Variants in MROH2A observed in about 807,000 individuals in gnomAD.
MROH2A encodes the protein maestro heat-like repeat-containing protein family member 2A.
In MROH2A, 174 loss-of-function variants were observed where a neutral mutation model predicts 200.4. The ratio of observed to expected loss-of-function variants is 0.87; its 90% CI spans 0.77 to 0.98. MROH2A has a LOEUF of 0.98. Ranked by LOEUF, MROH2A falls within the 50% of genes least tolerant of loss-of-function variation. MROH2A has a pLI of 0.00. For missense variants in MROH2A, 2,045 were observed against 2,139.6 expected, an observed-to-expected ratio of 0.96 and a Z score of 0.87; for synonymous variants, 829 against 840.4, an observed-to-expected ratio of 0.99 and a Z score of 0.23.
chr2:233,789,381 T>A (rs1442347830), intron 3 of MROH2A, 116 bp from the exon 4 acceptor site: 2 of 1,067,856 alleles, frequency 1.9e-6, no homozygotes, highest in African/African-American at 3.3e-5. Context: ...GATCTAAGAT[T>A]TGTGTGTTTG....
intron 39 of MROH2A, 119 bp from the exon 40 acceptor site, chr2:233,832,058 G>C (rs117231532): frequency 1.3e-6 from 1 of 764,404 alleles, no homozygotes; most frequent in South Asian, 1.8e-5. Context: ...GCTGTGTGAC[G>C]CTGGGATGGG....
In MROH2A at chr2:233,814,689, G is replaced by T; in HGVS notation, c.2856+12G>T. 1 of 1,545,356 alleles carries T rather than the reference G, an allele frequency of 6.5e-7. No individual in the cohort carries two copies. The highest frequency in any genetic ancestry group is 8.7e-7 in the Non-Finnish European group (1 of 1,143,090). On this transcript the variant is annotated intron_variant, in intron 26 of 41. Coordinates refer to ENST00000389758, the MANE Select transcript of MROH2A (RefSeq NM_001394639.1). ...AGGAGATGGTGCAGGTGAGTTGCCTGGTGGCGGGCCAGAGCCAGGGATGGC... is the reference window on the plus strand; with the variant it reads ...AGGAGATGGTGCAGGTGAGTTGCCTTGTGGCGGGCCAGAGCCAGGGATGGC...
chr2:233,814,675 C>T lies in MROH2A; in HGVS notation c.2854C>T (p.Gln952Ter). Residue 952 changes from glutamine (Q) to a stop codon, truncating the protein, a stop_gained and splice_region_variant, in exon 26 of 42, where the codon CAG (glutamine) becomes TAG (stop). Coordinates refer to ENST00000389758, the MANE Select transcript of MROH2A (RefSeq NM_001394639.1). LOFTEE classifies it high-confidence loss of function. The stretch of plus-strand genomic sequence containing the variant: ...CCCCAAGGGGCTGCAGGAGATGGTG[C>T]AGGTGAGTTGCCTGGTGGCGGGCCA... ...LDPKGLQEMVQLLEKWILSEK... is the reference protein window; with the variant it reads ...LDPKGLQEMV The T allele has an allele frequency of 6.5e-7, 1 of 1,549,006 alleles. No individual in the cohort carries two copies. The highest frequency in any genetic ancestry group is 8.7e-7 in the Non-Finnish European group (1 of 1,146,002).
chr2:233,793,714 C>T lies in MROH2A; in HGVS notation c.712C>T (p.His238Tyr). Residue 238 changes from histidine (H) to tyrosine (Y), a missense_variant, in exon 7 of 42, where the codon CAC (histidine) becomes TAC (tyrosine). His to Tyr is a moderately conservative substitution (Grantham distance 83, BLOSUM62 2). Transcript: ENST00000389758. ...TGAGACGGTGCAGTTTTATCTGAAG[C>T]ACCTGGAGGAGAGCGTGTACCCCGT... ...FCETVQFYLK[H>Y]LEESVYPVMT... The T allele has an allele frequency of 6.8e-7, 1 of 1,470,364 alleles. No homozygotes were observed. Among genetic ancestry groups the T allele is most frequent in the Non-Finnish European group, 9.0e-7 (1 of 1,107,420 alleles). 91.1% of individuals were successfully genotyped at this position (1,470,364 alleles called of 1,614,324 possible).
chr2:233,781,128 T>C (rs919979865), intron 3 of MROH2A, among the ~76,000 whole-genome samples: 1 of 152,204 alleles, frequency 6.6e-6, no homozygotes, highest in East Asian at 1.9e-4. Context: ...TCTTTATCCC[T>C]TCATACATTG....
At position 233,800,026 on chromosome 2, in the gene MROH2A, A is replaced by G. The variant is rs1366157377; in HGVS notation, c.1449+127A>G. On this transcript the variant is annotated intron_variant, in intron 13 of 41. Transcript: ENST00000389758. ...GCGTATCCATTCATGACAGGAGTTCATAGACACAGTGAACCTGCAGGTGAC... is the reference window on the plus strand; with the variant it reads ...GCGTATCCATTCATGACAGGAGTTCGTAGACACAGTGAACCTGCAGGTGAC... 10 of 1,322,578 alleles carry G rather than the reference A, an allele frequency of 7.6e-6. No individual in the cohort carries two copies. The East Asian group carries it at 2.0e-4, about 27-fold the overall frequency. The allele number at this position is 1,322,578 out of a possible 1,614,324, so 81.9% of individuals were successfully genotyped here. A position where few individuals can be genotyped will look rare whatever the true frequency, so the allele number is the denominator to read the frequency against.
At position 233,787,621 on chromosome 2, in the gene MROH2A, CATATATATT is replaced by C. The variant is rs1216485342; in HGVS notation, c.277-1858_277-1850del. On this transcript the variant is annotated intron_variant, in intron 3 of 41. Coordinates refer to ENST00000389758, the MANE Select transcript of MROH2A (RefSeq NM_001394639.1). ...TTATATATTATATATATCATATATA[CATATATATT>C]ATATATATTATATATATCATATATA... is the stretch of plus-strand genomic sequence containing the variant. Among the ~76,000 whole-genome samples the C allele has an allele frequency of 1.2e-3, 55 of 45,186 alleles. 4 individuals carry two copies. The highest frequency in any genetic ancestry group is 2.4e-3 in the African/African-American group (19 of 7,782). 29.6% of individuals were successfully genotyped at this position (45,186 alleles called of 152,430 possible).
rs551413332 is a variant in MROH2A, at chr2:233,802,333, C to G, written c.1708+18C>G. On this transcript the variant is annotated intron_variant, in intron 15 of 41. Coordinates refer to ENST00000389758, the MANE Select transcript of MROH2A (RefSeq NM_001394639.1). Reference sequence around the variant, plus strand: ...CAGGCAAGGTGGGCAAAGTTCCTGTCCAGCTGATTGGATTGGGCAGGTGGG... The same window carrying G: ...CAGGCAAGGTGGGCAAAGTTCCTGTGCAGCTGATTGGATTGGGCAGGTGGG... 1.1e-4 allele frequency: 172 copies of G among 1,544,266 alleles called. No individual in the cohort carries two copies. The highest frequency in any genetic ancestry group is 1.4e-4 in the Admixed American group (7 of 50,820).
chr2:233,792,651 TC>T, intron 5 of MROH2A, 144 bp from the exon 6 acceptor site: 1 of 606,044 alleles, frequency 1.7e-6, no homozygotes, highest in Non-Finnish European at 3.0e-6. Flanking sequence ...CTGGACTATT[TC>T]CTGGGCCCCA....
chr2:233,811,858 A>T, intron 23 of MROH2A, 22 bp from the exon 24 acceptor site: 1 of 1,535,920 alleles, frequency 6.5e-7, no homozygotes, highest in Non-Finnish European at 8.8e-7. Flanking sequence ...AAAAGCCACC[A>T]CCCCCTGCTT....
intron 25 of MROH2A, among the ~76,000 whole-genome samples, chr2:233,814,321 G>T (rs566968835): frequency 1.3e-5 from 2 of 152,342 alleles, no homozygotes; most frequent in South Asian, 4.1e-4. Flanking sequence ...TTGTGGACAG[G>T]TAGCCATCCC....
rs1056011884 is a variant in MROH2A at position 233,819,395 on chromosome 2, C to T, written c.3283C>T (p.Leu1095=). The T allele has an allele frequency of 3.2e-5, 50 of 1,550,484 alleles. No individual in the cohort carries two copies. Among genetic ancestry groups the T allele is most frequent in the Non-Finnish European group, 4.1e-5 (47 of 1,146,966 alleles). ...KLCENTGAMN[L]QHDKASVTWI... ...CTGCGAGAACACTGGGGCCATGAAC[C>T]TGCAGCATGACAAGGCCTCTGTCAC... The change falls in exon 30 of 42, where the codon CTG becomes TTG. Residue 1095 remains leucine (L), a synonymous_variant. Transcript: ENST00000389758.
At position 233,828,934 on chromosome 2, in the gene MROH2A, CCT is replaced by C; in HGVS notation, c.4309_4310del (p.Leu1437GlufsTer22). 6.4e-7 allele frequency: 1 copy of C among 1,550,516 alleles called. No homozygotes were observed. The highest frequency in any genetic ancestry group is 1.4e-5 in the African/African-American group (1 of 73,174). On this transcript the variant is annotated frameshift_variant, in exon 37 of 42. Transcript: ENST00000389758. LOFTEE classifies it high-confidence loss of function. The surrounding 1 kb of genome is among the most constrained non-coding windows in gnomAD (Gnocchi z 4.6). ...TCTTGCTGGAGAAGTGCCTGGGCCC[CCT>C]GAGGGAGCCCGTGAGCAACAGCGTG... ...KVLLEKCLGPLREPVSNSVTA... is the reference protein window; with the variant it reads ...KVLLEKCLGPXREPVSNSVTA...
intron 3 of MROH2A, among the ~76,000 whole-genome samples, chr2:233,782,529 A>G (rs1287924410): frequency 6.6e-6 from 1 of 152,198 alleles, no homozygotes. Context: ...GCCATTTGGC[A>G]TATACTAATG....
At chr2:233,795,268 G>T (rs1702031279) in intron 8 of MROH2A, among the ~76,000 whole-genome samples, 1 of 152,192 alleles carries the variant, frequency 6.6e-6, no homozygotes, top group African/African-American at 2.4e-5. Context: ...CATGTAAAGG[G>T]ATCACTCATC....
chr2:233,819,490 C>T, intron 30 of MROH2A, 21 bp downstream of exon 30: 1 of 1,547,210 alleles, frequency 6.5e-7, no homozygotes. Context: ...CGCGGCAGGG[C>T]CACCAGAGAG....
chr2:233,785,602 G>A (rs1043988143), intron 3 of MROH2A, among the ~76,000 whole-genome samples: 6 of 152,148 alleles, frequency 3.9e-5, no homozygotes, highest in Admixed American at 1.3e-4. Context: ...GAAATTATAG[G>A]CAACAGGCTT....
In MROH2A at chr2:233,820,390, C is replaced by G. The variant is rs1007870245; in HGVS notation, c.3512+334C>G. 6.6e-6 allele frequency among the ~76,000 whole-genome samples: 1 copy of G among 152,182 alleles called. No homozygotes were observed. The highest frequency in any genetic ancestry group is 1.5e-5 in the Non-Finnish European group (1 of 68,036). On this transcript the variant is annotated intron_variant, in intron 31 of 41. Coordinates refer to ENST00000389758, the MANE Select transcript of MROH2A (RefSeq NM_001394639.1). The surrounding 1 kb of genome is among the most constrained non-coding windows in gnomAD (Gnocchi z 4.1). ...GCTCCAGCAGATGGGCTGCAGGGTGCGGCTCCAAGGCATGAGCAAGCCCTG... is the reference window on the plus strand; with the variant it reads ...GCTCCAGCAGATGGGCTGCAGGGTGGGGCTCCAAGGCATGAGCAAGCCCTG...
In MROH2A at chr2:233,826,225, C is replaced by G. The variant is rs533916873; in HGVS notation, c.4114-2405C>G. Among the ~76,000 whole-genome samples, 6 of 152,280 alleles carry G rather than the reference C, an allele frequency of 3.9e-5. No homozygotes were observed. In the East Asian group the frequency reaches 9.7e-4, roughly 25 times the overall value. ...GGCGTGAGCCACCACGCCCGACCAC[C>G]TCTTTGTATTTCTTGTAGAATTCAG... is the stretch of plus-strand genomic sequence containing the variant. On this transcript the variant is annotated intron_variant, in intron 35 of 41. Transcript: ENST00000389758.
Sources: allele counts gnomAD v4.1 joint callset (sites outside exome capture counted in the v4.1 genomes callset), GRCh38; gene constraint gnomAD v4.1.1; non-coding constraint Gnocchi (gnomAD v3.1); transcripts MANE v1.5; gene names NCBI Gene and HGNC (gene_info 2026-07-23, HGNC 2026-07-21).